Variants in CAMK1D observed in about 807,000 individuals in gnomAD.
CAMK1D encodes the protein calcium/calmodulin dependent protein kinase ID, also known as calcium/calmodulin-dependent protein kinase type 1D.
CAMK1D carries 9 observed loss-of-function variants against 47.7 expected under a neutral mutation model. The observed-to-expected ratio is 0.19, with a 90% CI of 0.11 to 0.33. The LOEUF (loss-of-function observed/expected upper bound fraction) is 0.33, where lower values mean the gene tolerates loss of function less well. CAMK1D is among the 10% of genes least tolerant of loss of function. The pLI is 1.00. For missense variants in CAMK1D, 291 were observed against 488.7 expected (o/e 0.60, Z 3.81); for synonymous variants, 184 against 184.9 (o/e 0.99, Z 0.04).
intron 1 of CAMK1D, among the ~76,000 whole-genome samples, chr10:12,368,583 C>T (rs1030487103): frequency 6.6e-6 from 1 of 151,954 alleles, no homozygotes; most frequent in African/African-American, 2.4e-5. Flanking sequence ...GGTAACAGTA[C>T]CTACCTTTCC....
intron 1 of CAMK1D, among the ~76,000 whole-genome samples, chr10:12,474,063 C>T (rs959163770): frequency 6.6e-6 from 1 of 152,170 alleles, no homozygotes; most frequent in African/African-American, 2.4e-5. Context: ...TTCCTTTTTA[C>T]TTCTGGGTCC....
At chr10:12,471,944 A>T (rs917126358) in intron 1 of CAMK1D, among the ~76,000 whole-genome samples, 2 of 151,540 alleles carry the variant, frequency 1.3e-5, no homozygotes, top group Admixed American at 6.6e-5. Flanking sequence ...CTGAGGTGGG[A>T]GGATCACTTG....
At chr10:12,526,828 G>C (rs901328978) in intron 1 of CAMK1D, among the ~76,000 whole-genome samples, 16 of 149,664 alleles carry the variant, frequency 1.1e-4, no homozygotes, top group African/African-American at 4.0e-4. Context: ...TGAGGCAGGA[G>C]GATCAATTGA....
chr10:12,731,967 G>T (rs1834908212), intron 3 of CAMK1D, among the ~76,000 whole-genome samples: 1 of 152,114 alleles, frequency 6.6e-6, no homozygotes, highest in South Asian at 2.1e-4. Context: ...AGAGATGCTG[G>T]GCACGGTGGC....
chr10:12,373,312 C>CAA (rs756752723), intron 1 of CAMK1D, among the ~76,000 whole-genome samples: 81 of 144,680 alleles, frequency 5.6e-4, no homozygotes, highest in Admixed American at 7.6e-4. Flanking sequence ...GAGCCTGTCT[C>CAA]AATAAAAAAG....
intron 3 of CAMK1D, among the ~76,000 whole-genome samples, chr10:12,689,167 T>A (rs537852371): frequency 1.3e-3 from 194 of 152,336 alleles, no homozygotes; most frequent in Middle Eastern, 3.4e-3. Context: ...TTGGGGTGAC[T>A]CTCTGTTGTC....
At chr10:12,579,686 C>T (rs60486748) in intron 2 of CAMK1D, among the ~76,000 whole-genome samples, 1 of 152,186 alleles carries the variant, frequency 6.6e-6, no homozygotes, top group Non-Finnish European at 1.5e-5. Context: ...CTCTCAAGCT[C>T]GCTCCAGTGT....
chr10:12,724,172 T>C lies in CAMK1D; in HGVS notation c.300-36776T>C, dbSNP rs534523443. Among the ~76,000 whole-genome samples, 11 of 152,326 alleles carry C rather than the reference T, an allele frequency of 7.2e-5. No homozygotes were observed. The South Asian group carries it at 1.7e-3, about 23-fold the overall frequency. On this transcript the variant is annotated intron_variant, in intron 3 of 10. Transcript: ENST00000619168. ...CCGGGCCAAATTTTTATATTTGTAA[T>C]AGAGATGAGGTTTCACCATGTTGGC... is the stretch of plus-strand genomic sequence containing the variant.
intron 3 of CAMK1D, among the ~76,000 whole-genome samples, chr10:12,692,310 C>T (rs1241381951): frequency 6.6e-6 from 1 of 152,108 alleles, no homozygotes; most frequent in African/African-American, 2.4e-5. Context: ...AATAGATGCT[C>T]CTTCTCAGTT....
At chr10:12,407,079 CT>C (rs2131932309) in intron 1 of CAMK1D, among the ~76,000 whole-genome samples, 1 of 152,326 alleles carries the variant, frequency 6.6e-6, no homozygotes, top group South Asian at 2.1e-4. Flanking sequence ...TCTGTCCCTG[CT>C]GCCTATCACC....
At chr10:12,661,161 AG>A (rs1358789803) in intron 2 of CAMK1D, among the ~76,000 whole-genome samples, 1 of 152,226 alleles carries the variant, frequency 6.6e-6, no homozygotes, top group Non-Finnish European at 1.5e-5. Flanking sequence ...GAGTATCTTG[AG>A]CACATCCACT....
chr10:12,569,222 G>A (rs1837238663), intron 2 of CAMK1D, among the ~76,000 whole-genome samples: 1 of 152,040 alleles, frequency 6.6e-6, no homozygotes, highest in Non-Finnish European at 1.5e-5. Context: ...GTAGCAAACA[G>A]CATTCACTTA....
chr10:12,791,515 T>C (rs1837978132), intron 6 of CAMK1D, among the ~76,000 whole-genome samples: 1 of 152,156 alleles, frequency 6.6e-6, no homozygotes, highest in Admixed American at 6.5e-5. Flanking sequence ...ACCTCTGTAC[T>C]CTTTTCTGTC....
intron 3 of CAMK1D, among the ~76,000 whole-genome samples, chr10:12,669,094 T>C (rs1840524473): frequency 6.6e-6 from 1 of 152,054 alleles, no homozygotes; most frequent in South Asian, 2.1e-4. Flanking sequence ...TAGCTGGGCA[T>C]GGTGGTGGGC....
chr10:12,547,282 G>A (rs947901309), intron 1 of CAMK1D, among the ~76,000 whole-genome samples: 4 of 152,230 alleles, frequency 2.6e-5, no homozygotes, highest in Non-Finnish European at 4.4e-5. Flanking sequence ...GGACCCCTGG[G>A]GGGCCCAGCC....
intron 1 of CAMK1D, among the ~76,000 whole-genome samples, chr10:12,504,385 A>T (rs937876835): frequency 1.3e-5 from 2 of 152,096 alleles, no homozygotes; most frequent in Non-Finnish European, 2.9e-5. Flanking sequence ...AGACCCAAGA[A>T]TCAGGAGCAC....
intron 2 of CAMK1D, among the ~76,000 whole-genome samples, chr10:12,637,107 G>C (rs765583669): frequency 1.3e-5 from 2 of 152,098 alleles, no homozygotes; most frequent in Admixed American, 6.6e-5. Context: ...AAGTAGTTGG[G>C]ATTATAGATG....
In CAMK1D at chr10:12,829,145, G is replaced by A. The variant is rs1588977918; in HGVS notation, c.*258G>A. ...ATACGAATCTTGCAAAGCTCTAACT[G>A]AACGGACCTTCTTATTCCTCTCCCC... On this transcript the variant is annotated 3_prime_UTR_variant, in exon 11 of 11. Transcript: ENST00000619168. 2.6e-6 allele frequency: 1 copy of A among 388,974 alleles called. No homozygotes were observed. Among genetic ancestry groups the A allele is most frequent in the Non-Finnish European group, 4.6e-6 (1 of 217,934 alleles). The allele number at this position is 388,974 out of a possible 1,614,324, so 24.1% of individuals were successfully genotyped here.
At chr10:12,758,187 A>G (rs557352821) in intron 3 of CAMK1D, among the ~76,000 whole-genome samples, 48 of 152,026 alleles carry the variant, frequency 3.2e-4, no homozygotes, top group African/African-American at 1.0e-3. Context: ...ATCACCTCCC[A>G]AAGACCCCAC....
Sources: allele counts gnomAD v4.1 joint callset (sites outside exome capture counted in the v4.1 genomes callset), GRCh38; gene constraint gnomAD v4.1.1; transcripts MANE v1.5; gene names NCBI Gene and HGNC (gene_info 2026-07-23, HGNC 2026-07-21).